Variants in CCDC106 observed in about 807,000 individuals in gnomAD.
CCDC106 encodes the protein coiled-coil domain-containing protein 106.
A neutral mutation model predicts 24.7 loss-of-function variants in CCDC106; 17 were observed. That is an observed-to-expected ratio of 0.69 (90% CI 0.47 to 1.03). The LOEUF is 1.03. Among genes scored for constraint, CCDC106 ranks in the 50% least tolerant of loss-of-function variants. The pLI, the probability that CCDC106 is intolerant of heterozygous loss-of-function variation, is 0.00. For synonymous variants in CCDC106, 211 were observed against 161.3 expected, an observed-to-expected ratio of 1.31 and a Z score of -2.34; for missense variants, 337 against 388.9, an observed-to-expected ratio of 0.87 and a Z score of 1.12.
At chr19:55,647,510 T>G (rs955329258), upstream of CCDC106, among the ~76,000 whole-genome samples, 3 of 152,200 alleles carry the variant, frequency 2.0e-5, no homozygotes, top group South Asian at 2.1e-4. Flanking sequence ...GGGCTGAGCT[T>G]CTGTGTGTCG....
At chr19:55,651,620 CTG>C in intron 4 of CCDC106, 125 bp downstream of exon 4, 1 of 653,946 alleles carries the variant, frequency 1.5e-6, no homozygotes, top group South Asian at 2.0e-5. Context: ...CCACCGGGTT[CTG>C]TCTCTCCCTC....
Position 55,648,922 on chromosome 19 carries a change from C to A in CCDC106, c.-125C>A. 1.0e-6 allele frequency: 1 copy of A among 960,448 alleles called. No homozygotes were observed. The highest frequency in any genetic ancestry group is 1.7e-6 in the Non-Finnish European group (1 of 599,952). The allele number at this position is 960,448 out of a possible 1,614,324, so 59.5% of individuals were successfully genotyped here. On this transcript the variant is annotated 5_prime_UTR_variant, in exon 1 of 5. Transcript: ENST00000586790. ...CAGGGGTCCAGGCCAGAAGGTCCCT[C>A]CTGTCTCACTTCACCTCCCCCAGGA...
chr19:55,652,336 A>G lies in CCDC106; in HGVS notation c.527-94A>G, dbSNP rs1983362851. ...CCGGCCCGTGCCTCTGCTCGCCGAGATCCTTTCTTCCCATGGCCGTTTCCC... is the reference window on the plus strand; with the variant it reads ...CCGGCCCGTGCCTCTGCTCGCCGAGGTCCTTTCTTCCCATGGCCGTTTCCC... On this transcript the variant is annotated intron_variant, in intron 4 of 4. Transcript: ENST00000586790. The surrounding 1 kb of genome is among the most constrained non-coding windows in gnomAD (Gnocchi z 5.9). 8.8e-7 allele frequency: 1 copy of G among 1,133,484 alleles called. No individual in the cohort carries two copies. 70.2% of individuals were successfully genotyped at this position (1,133,484 alleles called of 1,614,324 possible).
upstream of CCDC106, among the ~76,000 whole-genome samples, chr19:55,647,744 C>A (rs1182999743): frequency 6.6e-6 from 1 of 152,098 alleles, no homozygotes; most frequent in African/African-American, 2.4e-5. Flanking sequence ...TCCCTGAGAA[C>A]CTTGGGGTCT....
In CCDC106 at chr19:55,653,016, T is replaced by TG. The variant is rs1983446649; in HGVS notation, c.*275dup. ...GGCAGGCGGGTGCCCCCCCCTCGAGTGGGGGACTGTACAGACCCCGTCTCC... is the reference window on the plus strand; with the variant it reads ...GGCAGGCGGGTGCCCCCCCCTCGAGTGGGGGGACTGTACAGACCCCGTCTCC... On this transcript the variant is annotated 3_prime_UTR_variant, in exon 5 of 5. Transcript: ENST00000586790. The TG allele has an allele frequency of 2.1e-6, 1 of 468,098 alleles. No individual in the cohort carries two copies. The highest frequency in any genetic ancestry group is 3.8e-6 in the Non-Finnish European group (1 of 260,232). 29.0% of individuals were successfully genotyped at this position (468,098 alleles called of 1,614,324 possible).
rs1396646203 is a variant in CCDC106 at position 55,648,508 on chromosome 19, C to T, written c.-539C>T. 2 of 157,790 alleles carry T rather than the reference C, an allele frequency of 1.3e-5. No individual in the cohort carries two copies. The highest frequency in any genetic ancestry group is 4.8e-5 in the African/African-American group (2 of 41,468). 9.8% of individuals were successfully genotyped at this position (157,790 alleles called of 1,614,324 possible). On this transcript the variant is annotated 5_prime_UTR_variant, in exon 1 of 5. Coordinates refer to ENST00000586790, the MANE Select transcript of CCDC106 (RefSeq NM_001370470.1). ...GCCCCCACCACCGGGGGACGGTCCG[C>T]CCGCCCACGCGAGTGCGGGGGAGGG...
At chr19:55,650,195 G>C (rs1983149314) in intron 3 of CCDC106, among the ~76,000 whole-genome samples, 1 of 152,040 alleles carries the variant, frequency 6.6e-6, no homozygotes, top group Non-Finnish European at 1.5e-5. Context: ...AGCAGGTGCT[G>C]TCCCTCAAAC....
chr19:55,652,453 T>C lies in CCDC106; in HGVS notation c.550T>C (p.Cys184Arg), dbSNP rs150887665. 5.2e-5 allele frequency: 84 copies of C among 1,605,494 alleles called. 1 individual carries two copies. The highest frequency in any genetic ancestry group is 3.9e-5 in the Non-Finnish European group (46 of 1,174,098). The change falls in exon 5 of 5, where the codon TGC (cysteine) becomes CGC (arginine). Residue 184 changes from cysteine to arginine, a missense_variant. Transcript: ENST00000586790. This position sits in a 1 kb window ranked among gnomAD's most constrained non-coding sequence, Gnocchi z 5.9. ...QRVKDADGVL[C>R]RYKKILGTFQ... Reference sequence around the variant, plus strand: ...AGTGAAGGACGCCGACGGGGTCCTCTGCCGGTACAAGAAGATCCTGGGCAC... The same window carrying C: ...AGTGAAGGACGCCGACGGGGTCCTCCGCCGGTACAAGAAGATCCTGGGCAC...
chr19:55,651,340 G>A lies in CCDC106; in HGVS notation c.371G>A (p.Gly124Glu). 1 of 1,613,442 alleles carries A rather than the reference G, an allele frequency of 6.2e-7. No homozygotes were observed. The highest frequency in any genetic ancestry group is 8.5e-7 in the Non-Finnish European group (1 of 1,179,868). Residue 124 changes from glycine (G) to glutamate (E), a missense_variant, in exon 4 of 5, where the codon GGG (glycine) becomes GAG (glutamate). By Grantham distance (98) the Gly-to-Glu change is moderately conservative (BLOSUM62 -2). Coordinates refer to ENST00000586790, the MANE Select transcript of CCDC106 (RefSeq NM_001370470.1). ...CGGATGGAGGGGGACAGCCGTGGTG[G>A]GGCTGGGGGCGAGGCCTCGGACCCT... is the stretch of plus-strand genomic sequence containing the variant. ...PRRMEGDSRG[G>E]AGGEASDPES...
chr19:55,647,778 T>C (rs1228860163), upstream of CCDC106, among the ~76,000 whole-genome samples: 1 of 152,048 alleles, frequency 6.6e-6, no homozygotes, highest in African/African-American at 2.4e-5. Context: ...AGGGGAGCTC[T>C]GAGGGGTCCG....
chr19:55,652,284 GC>G lies in CCDC106; in HGVS notation c.527-144del. ...TTCCCCTCCTCTCTGCCCCTTCCTT[GC>G]CTGTTGTTCTCCGTCTCCACCTGCA... On this transcript the variant is annotated intron_variant, in intron 4 of 4. Coordinates refer to ENST00000586790, the MANE Select transcript of CCDC106 (RefSeq NM_001370470.1). The surrounding 1 kb of genome is among the most constrained non-coding windows in gnomAD (Gnocchi z 5.9). The G allele has an allele frequency of 1.5e-6, 1 of 650,614 alleles. No individual in the cohort carries two copies. Among genetic ancestry groups the G allele is most frequent in the Non-Finnish European group, 2.7e-6 (1 of 376,494 alleles). The allele number at this position is 650,614 out of a possible 1,614,324, so 40.3% of individuals were successfully genotyped here.
Position 55,648,494 on chromosome 19 carries a change from C to CG in CCDC106, c.-548dup. 6.3e-6 allele frequency: 1 copy of CG among 158,966 alleles called. No homozygotes were observed. The highest frequency in any genetic ancestry group is 5.9e-5 in the Admixed American group (1 of 16,896). The allele number at this position is 158,966 out of a possible 1,614,324, so 9.8% of individuals were successfully genotyped here. ...TGCGCACGCGCCCAGCCCCCACCACCGGGGGACGGTCCGCCCGCCCACGCG... is the reference window on the plus strand; with the variant it reads ...TGCGCACGCGCCCAGCCCCCACCACCGGGGGGACGGTCCGCCCGCCCACGCG... On this transcript the variant is annotated 5_prime_UTR_variant, in exon 1 of 5. The change creates a premature stop within an existing upstream ORF in the 5' untranslated region. Coordinates refer to ENST00000586790, the MANE Select transcript of CCDC106 (RefSeq NM_001370470.1).
chr19:55,652,263 C>T lies in CCDC106; in HGVS notation c.527-167C>T, dbSNP rs1447240400. ...TCCAAGATCTGGCTGCGATTCTTCC[C>T]CTCCTCTCTGCCCCTTCCTTGCCTG... is the stretch of plus-strand genomic sequence containing the variant. On this transcript the variant is annotated intron_variant, in intron 4 of 4. Transcript: ENST00000586790. This position sits in a 1 kb window ranked among gnomAD's most constrained non-coding sequence, Gnocchi z 5.9. 1.1e-4 allele frequency among the ~76,000 whole-genome samples: 17 copies of T among 152,060 alleles called. No individual in the cohort carries two copies. The East Asian group carries it at 2.9e-3, about 26-fold the overall frequency.
chr19:55,648,823 C>T lies in CCDC106; in HGVS notation c.-224C>T. On this transcript the variant is annotated 5_prime_UTR_variant, in exon 1 of 5. Coordinates refer to ENST00000586790, the MANE Select transcript of CCDC106 (RefSeq NM_001370470.1). ...CGGCTGGGCCCCCTGCCCCTGACTC[C>T]AGGAGCCCAGGAGTTTGAAGCCCAG... is the stretch of plus-strand genomic sequence containing the variant. 1.7e-6 allele frequency: 1 copy of T among 602,730 alleles called. No homozygotes were observed. The highest frequency in any genetic ancestry group is 3.0e-6 in the Non-Finnish European group (1 of 338,450). 37.3% of individuals were successfully genotyped at this position (602,730 alleles called of 1,614,324 possible).
intron 3 of CCDC106, among the ~76,000 whole-genome samples, chr19:55,649,947 CAAG>C (rs1222324227): frequency 2.6e-5 from 4 of 152,118 alleles, no homozygotes; most frequent in Admixed American, 1.3e-4. Context: ...TCTCTTTGGC[CAAG>C]AGGCCCACCC....
intron 3 of CCDC106, among the ~76,000 whole-genome samples, chr19:55,650,529 C>T (rs888056279): frequency 3.9e-4 from 60 of 152,298 alleles, no homozygotes; most frequent in African/African-American, 1.3e-3. Context: ...TTTGTGAATT[C>T]AACCCTTTCC....
chr19:55,649,673 G>T, intron 3 of CCDC106, 89 bp downstream of exon 3: 2 of 1,322,520 alleles, frequency 1.5e-6, no homozygotes, highest in Non-Finnish European at 2.1e-6. Context: ...TGTTTGGCTG[G>T]CTGGGTGGGA....
rs1600055395 is a variant in CCDC106, at chr19:55,648,917, T to C, written c.-130T>C. 2 of 913,400 alleles carry C rather than the reference T, an allele frequency of 2.2e-6. No homozygotes were observed. Among genetic ancestry groups the C allele is most frequent in the East Asian group, 4.8e-5 (2 of 41,704 alleles). The allele number at this position is 913,400 out of a possible 1,614,324, so 56.6% of individuals were successfully genotyped here. ...CAGACCAGGGGTCCAGGCCAGAAGGTCCCTCCTGTCTCACTTCACCTCCCC... is the reference window on the plus strand; with the variant it reads ...CAGACCAGGGGTCCAGGCCAGAAGGCCCCTCCTGTCTCACTTCACCTCCCC... On this transcript the variant is annotated 5_prime_UTR_variant, in exon 1 of 5. Transcript: ENST00000586790.
chr19:55,650,017 C>T (rs1166660501), intron 3 of CCDC106, among the ~76,000 whole-genome samples: 2 of 152,204 alleles, frequency 1.3e-5, no homozygotes, highest in Non-Finnish European at 2.9e-5. Flanking sequence ...CTGTCTTCTC[C>T]AAGATCCAAG....
Sources: gnomAD v4.1 joint callset for allele counts (sites outside exome capture counted in the v4.1 genomes callset) on GRCh38, gnomAD v4.1.1 for gene constraint, Gnocchi (gnomAD v3.1) non-coding constraint, MANE v1.5 for transcripts, NCBI Gene and HGNC (gene_info 2026-07-23, HGNC 2026-07-21) for gene names.